The following MCTP1 variants were observed in gnomAD, a reference collection of about 807,000 sequenced individuals.
The protein encoded by MCTP1 is multiple C2 and transmembrane domain-containing protein 1.
In MCTP1, 69 loss-of-function variants were observed where a neutral mutation model predicts 120.6. That is an observed-to-expected ratio of 0.57 (90% confidence interval 0.47 to 0.70). The LOEUF (loss-of-function observed/expected upper bound fraction) is 0.70. Ranked by LOEUF, MCTP1 falls within the 30% of genes least tolerant of loss-of-function variation. MCTP1 has a pLI of 0.00. For synonymous variants in MCTP1, 529 were observed against 493.1 expected, an observed-to-expected ratio of 1.07 and a Z score of -0.96; for missense variants, 1,203 against 1,248.8, an observed-to-expected ratio of 0.96 and a Z score of 0.55.
intron 1 of MCTP1, among the ~76,000 whole-genome samples, chr5:95,067,312 A>G (rs908595384): frequency 3.3e-5 from 5 of 152,198 alleles, no homozygotes; most frequent in South Asian, 4.1e-4. Context: ...AGAAGTGACA[A>G]ATATTTGGGG....
intron 12 of MCTP1, among the ~76,000 whole-genome samples, chr5:94,883,581 A>G (rs961095764): frequency 2.0e-5 from 3 of 152,230 alleles, no homozygotes; most frequent in East Asian, 3.8e-4. Flanking sequence ...TACATTTTAT[A>G]CAGTTCTTTG....
chr5:95,072,200 G>A (rs1752375288), intron 1 of MCTP1, among the ~76,000 whole-genome samples: 2 of 151,900 alleles, frequency 1.3e-5, no homozygotes, highest in South Asian at 4.1e-4. Flanking sequence ...TATCCAGAGA[G>A]TTTGACAAGC....
intron 12 of MCTP1, among the ~76,000 whole-genome samples, chr5:94,887,082 T>TG (rs1407997394): frequency 3.3e-5 from 5 of 152,192 alleles, no homozygotes; most frequent in African/African-American, 1.2e-4. Context: ...ACATCTCTCT[T>TG]GTTCAATTCA....
At chr5:94,738,504 C>T (rs1214316190) in intron 19 of MCTP1, among the ~76,000 whole-genome samples, 3 of 152,180 alleles carry the variant, frequency 2.0e-5, no homozygotes, top group Admixed American at 6.5e-5. Flanking sequence ...CCTGTCCCCC[C>T]ATACTGAACA....
chr5:95,100,526 C>A (rs1340010918), intron 1 of MCTP1, among the ~76,000 whole-genome samples: 1 of 152,128 alleles, frequency 6.6e-6, no homozygotes, highest in Non-Finnish European at 1.5e-5. Flanking sequence ...ATACAAGTCA[C>A]AAACCACAAG....
intron 8 of MCTP1, among the ~76,000 whole-genome samples, chr5:94,916,947 G>A (rs988326019): frequency 5.3e-5 from 8 of 152,192 alleles, no homozygotes; most frequent in Non-Finnish European, 1.2e-4. Context: ...TAATACAATT[G>A]TAGACATTAA....
At chr5:94,742,074 T>A (rs1022471731) in intron 19 of MCTP1, among the ~76,000 whole-genome samples, 1 of 132,434 alleles carries the variant, frequency 7.6e-6, no homozygotes, top group Admixed American at 8.4e-5. Flanking sequence ...GCAAAATCTT[T>A]AGTGTCATTA....
At chr5:95,185,387 T>A (rs1749095508) in intron 1 of MCTP1, among the ~76,000 whole-genome samples, 1 of 152,178 alleles carries the variant, frequency 6.6e-6, no homozygotes, top group South Asian at 2.1e-4. Flanking sequence ...GGAAAATTGA[T>A]CAATGAAATC....
chr5:94,987,402 A>G (rs1830613450), intron 2 of MCTP1, among the ~76,000 whole-genome samples: 1 of 152,146 alleles, frequency 6.6e-6, no homozygotes, highest in Non-Finnish European at 1.5e-5. Flanking sequence ...TGCTAAGCAA[A>G]TGCTCGTGGA....
chr5:95,190,900 G>A (rs1338893239), intron 1 of MCTP1, among the ~76,000 whole-genome samples: 1 of 151,936 alleles, frequency 6.6e-6, no homozygotes, highest in Non-Finnish European at 1.5e-5. Context: ...TCTTAAATCT[G>A]CCAAATTCCA....
At chr5:94,876,960 A>G (rs1262218288) in intron 12 of MCTP1, among the ~76,000 whole-genome samples, 1 of 152,128 alleles carries the variant, frequency 6.6e-6, no homozygotes, top group Admixed American at 6.6e-5. Flanking sequence ...AGGCATGCAC[A>G]GTTTAGAGGA....
chr5:94,968,334 C>A (rs1826057454), intron 2 of MCTP1, among the ~76,000 whole-genome samples: 1 of 152,118 alleles, frequency 6.6e-6, no homozygotes, highest in South Asian at 2.1e-4. Context: ...AAGAAGGAGG[C>A]TTGACAGGCA....
intron 19 of MCTP1, among the ~76,000 whole-genome samples, chr5:94,719,990 G>C (rs1401018469): frequency 1.3e-5 from 2 of 152,072 alleles, no homozygotes; most frequent in Non-Finnish European, 1.5e-5. Flanking sequence ...GCCGGGCGTG[G>C]TGGTGCATGC....
intron 1 of MCTP1, among the ~76,000 whole-genome samples, chr5:95,126,485 A>G (rs189379223): frequency 8.1e-4 from 124 of 152,358 alleles, no homozygotes; most frequent in East Asian, 3.1e-3. Flanking sequence ...CTCTACCTCA[A>G]TGAAAAACAC....
At chr5:95,251,607 A>G (rs1265995331) in intron 1 of MCTP1, among the ~76,000 whole-genome samples, 1 of 152,138 alleles carries the variant, frequency 6.6e-6, no homozygotes, top group Admixed American at 6.6e-5. Flanking sequence ...TCCCTATATT[A>G]ATATTATTTA....
chr5:95,109,616 G>A (rs1410471978), intron 1 of MCTP1, among the ~76,000 whole-genome samples: 1 of 152,126 alleles, frequency 6.6e-6, no homozygotes, highest in Non-Finnish European at 1.5e-5. Context: ...ATTTTATAAT[G>A]AAGAATGATG....
At chr5:94,873,350 A>G in intron 12 of MCTP1, 109 bp from the exon 13 acceptor site, 2 of 561,974 alleles carry the variant, frequency 3.6e-6, no homozygotes, top group Middle Eastern at 2.8e-4. Context: ...TAAACAAAAA[A>G]GTGAAGTACA....
chr5:94,717,731 C>T (rs2152585618), intron 19 of MCTP1, among the ~76,000 whole-genome samples: 1 of 152,170 alleles, frequency 6.6e-6, no homozygotes, highest in South Asian at 2.1e-4. Flanking sequence ...CAACCATAGA[C>T]AAGCAGAGAG....
chr5:95,154,395 T>C (rs891310541), intron 1 of MCTP1: 3 of 151,722 alleles, frequency 2.0e-5, no homozygotes, highest in Admixed American at 1.3e-4. Context: ...ATATTTCTAC[T>C]ATATGTTAAA....
Sources: allele counts gnomAD v4.1 joint callset (sites outside exome capture counted in the v4.1 genomes callset), GRCh38; gene constraint gnomAD v4.1.1; transcripts MANE v1.5; gene names NCBI Gene and HGNC (gene_info 2026-07-23, HGNC 2026-07-21).